The following LRP1B variants were observed in gnomAD, a reference collection of about 807,000 sequenced individuals.
The protein encoded by LRP1B is low-density lipoprotein receptor-related protein 1B.
Under a neutral mutation model 556.6 loss-of-function variants are expected in LRP1B, and 217 were observed. The ratio of observed to expected loss-of-function variants is 0.39; its 90% CI spans 0.35 to 0.44. The LOEUF is 0.44. Among genes scored for constraint, LRP1B ranks in the 20% least tolerant of loss-of-function variants. The pLI is 1.00. For missense variants in LRP1B, 5,053 were observed against 5,620.8 expected (o/e 0.90, Z 3.23); for synonymous variants, 2,047 against 1,865.8 (o/e 1.10, Z -2.50).
intron 1 of LRP1B, among the ~76,000 whole-genome samples, chr2:141,818,125 A>G (rs1171622503): frequency 1.3e-5 from 2 of 152,054 alleles, no homozygotes; most frequent in African/African-American, 2.4e-5. Context: ...ATACCACAAC[A>G]CTCATAACTG....
intron 6 of LRP1B, among the ~76,000 whole-genome samples, chr2:141,223,968 C>T (rs1683144445): frequency 6.6e-6 from 1 of 152,142 alleles, no homozygotes; most frequent in Non-Finnish European, 1.5e-5. Flanking sequence ...AGGACATAGG[C>T]ACGGGCAAAG....
chr2:140,869,060 T>C (rs1693042844), intron 25 of LRP1B, among the ~76,000 whole-genome samples: 1 of 152,046 alleles, frequency 6.6e-6, no homozygotes, highest in African/African-American at 2.4e-5. Context: ...ATTGGTTATT[T>C]CTGAATGATG....
chr2:141,897,667 A>T (rs1383394326), intron 1 of LRP1B, among the ~76,000 whole-genome samples: 1 of 152,162 alleles, frequency 6.6e-6, no homozygotes, highest in Admixed American at 6.6e-5. Context: ...TGCCATTAGG[A>T]AGTTTGACTG....
At chr2:141,238,783 G>A (rs573222674) in intron 5 of LRP1B, among the ~76,000 whole-genome samples, 75 of 152,196 alleles carry the variant, frequency 4.9e-4, no homozygotes, top group African/African-American at 1.6e-3. Context: ...AGTGAAGGAT[G>A]AATCCAATGT....
At chr2:141,206,856 A>G (rs533112808) in intron 6 of LRP1B, among the ~76,000 whole-genome samples, 1 of 152,320 alleles carries the variant, frequency 6.6e-6, no homozygotes, top group South Asian at 2.1e-4. Flanking sequence ...GATTGTTGGT[A>G]GTAAGACATT....
At chr2:141,345,836 A>G (rs896335125) in intron 3 of LRP1B, among the ~76,000 whole-genome samples, 4 of 151,798 alleles carry the variant, frequency 2.6e-5, no homozygotes, top group South Asian at 2.1e-4. Flanking sequence ...TGGAACACCT[A>G]TAGATTTAGA....
At chr2:140,922,690 TAA>T in intron 21 of LRP1B, among the ~76,000 whole-genome samples, 1 of 151,878 alleles carries the variant, frequency 6.6e-6, no homozygotes, top group Non-Finnish European at 1.5e-5. Context: ...ATTAATTAAT[TAA>T]ATTAAATCCT....
intron 41 of LRP1B, among the ~76,000 whole-genome samples, chr2:140,647,702 A>C (rs766234025): frequency 5.1e-4 from 77 of 152,178 alleles, no homozygotes; most frequent in Non-Finnish European, 6.3e-4. Flanking sequence ...TCATCATCAC[A>C]GGCCATCAGA....
rs1233309806 is a variant in LRP1B at position 141,342,263 on chromosome 2, T to A, written c.344-87622A>T. 2.2e-4 allele frequency among the ~76,000 whole-genome samples: 24 copies of A among 110,008 alleles called. No homozygotes were observed. In the East Asian group the frequency reaches 4.8e-3, roughly 22 times the overall value. 72.2% of individuals were successfully genotyped at this position (110,008 alleles called of 152,430 possible). A position where few individuals can be genotyped will look rare whatever the true frequency, so the allele number is the denominator to read the frequency against. Reference sequence around the variant, plus strand: ...CATCTCAAAAAAAAAAAAAATAAAATAAATAAAAATAAAATAAATAAATAA... The same window carrying A: ...CATCTCAAAAAAAAAAAAAATAAAAAAAATAAAAATAAAATAAATAAATAA... On this transcript the variant is annotated intron_variant, in intron 3 of 90. Coordinates refer to ENST00000389484, the MANE Select transcript of LRP1B (RefSeq NM_018557.3).
At chr2:141,967,004 C>T (rs1383493577) in intron 1 of LRP1B, among the ~76,000 whole-genome samples, 2 of 151,930 alleles carry the variant, frequency 1.3e-5, no homozygotes, top group East Asian at 3.9e-4. Flanking sequence ...TTCCCATTTT[C>T]TCTATTACAC....
chr2:141,156,655 C>A (rs990315464), intron 7 of LRP1B, among the ~76,000 whole-genome samples: 1 of 151,244 alleles, frequency 6.6e-6, no homozygotes, highest in Non-Finnish European at 1.5e-5. Context: ...CAAACTTCAA[C>A]TCTGAGCAGG....
At chr2:141,054,141 T>G (rs1699116058) in intron 10 of LRP1B, among the ~76,000 whole-genome samples, 1 of 152,016 alleles carries the variant, frequency 6.6e-6, no homozygotes. Context: ...GCTCTAACCA[T>G]TCAGACTTCA....
At chr2:141,801,504 A>T (rs1696005451) in intron 2 of LRP1B, among the ~76,000 whole-genome samples, 1 of 152,106 alleles carries the variant, frequency 6.6e-6, no homozygotes. Flanking sequence ...CGTTATTTGC[A>T]CTTCCATCTG....
chr2:140,938,980 A>G (rs2105283442), intron 20 of LRP1B, among the ~76,000 whole-genome samples: 1 of 152,234 alleles, frequency 6.6e-6, no homozygotes, highest in East Asian at 1.9e-4. Flanking sequence ...TGAAATTTCC[A>G]GTATTTATTG....
At chr2:141,044,487 T>C (rs1439759793) in intron 11 of LRP1B, among the ~76,000 whole-genome samples, 1 of 149,278 alleles carries the variant, frequency 6.7e-6, no homozygotes, top group Non-Finnish European at 1.5e-5. Flanking sequence ...ACAGGCAACC[T>C]ACAAAATGGG....
At chr2:140,550,940 G>GTGA (rs574021340) in intron 43 of LRP1B, among the ~76,000 whole-genome samples, 203 of 152,190 alleles carry the variant, frequency 1.3e-3, no homozygotes, top group African/African-American at 4.7e-3. Context: ...TGGGGCCCCA[G>GTGA]TGATGTAATT....
In LRP1B at chr2:141,345,074, T is replaced by C. The variant is rs564264759; in HGVS notation, c.344-90433A>G. ...GGAGAAGTACGTTACAAAGTTAGAA[T>C]GATGCAATGTGAGGAACACTTGACT... On this transcript the variant is annotated intron_variant, in intron 3 of 90. Transcript: ENST00000389484. Among the ~76,000 whole-genome samples the C allele has an allele frequency of 2.7e-4, 41 of 151,934 alleles. 1 individual carries two copies. The South Asian group carries it at 6.4e-3, about 24-fold the overall frequency.
intron 35 of LRP1B, among the ~76,000 whole-genome samples, chr2:140,726,149 A>G (rs1687585729): frequency 6.6e-6 from 1 of 152,102 alleles, no homozygotes; most frequent in Admixed American, 6.6e-5. Context: ...CAATTATGAA[A>G]TGCTACACAG....
At position 140,232,809 on chromosome 2, in the gene LRP1B, C is replaced by A. The variant is rs940462417; in HGVS notation, c.*377G>T. The A allele has an allele frequency of 6.5e-6, 1 of 154,472 alleles. No homozygotes were observed. Among genetic ancestry groups the A allele is most frequent in the African/African-American group, 2.4e-5 (1 of 41,514 alleles). 9.6% of individuals were successfully genotyped at this position (154,472 alleles called of 1,614,324 possible). On this transcript the variant is annotated 3_prime_UTR_variant, in exon 91 of 91. Coordinates refer to ENST00000389484, the MANE Select transcript of LRP1B (RefSeq NM_018557.3). ...TGACACTGTATTACAGCCTTCAAAC[C>A]GTATAATGGAAAAGTGCAGAGATTC...
Sources: allele counts gnomAD v4.1 joint callset (sites outside exome capture counted in the v4.1 genomes callset), GRCh38; gene constraint gnomAD v4.1.1; transcripts MANE v1.5; gene names NCBI Gene and HGNC (gene_info 2026-07-23, HGNC 2026-07-21).